DCLK3: variants seen among roughly 807,000 people sequenced by gnomAD.
DCLK3 encodes the protein serine/threonine-protein kinase DCLK3.
Under a neutral mutation model 46.4 loss-of-function variants are expected in DCLK3, and 30 were observed. The observed-to-expected ratio is 0.65, with a 90% CI of 0.48 to 0.88. The LOEUF (loss-of-function observed/expected upper bound fraction) is 0.88, where lower values mean the gene tolerates loss of function less well. Among genes scored for constraint, DCLK3 ranks in the 40% least tolerant of loss-of-function variants. DCLK3 has a pLI of 0.00. For missense variants in DCLK3, 846 were observed against 907.1 expected (o/e 0.93, Z 0.87); for synonymous variants, 401 against 339.2 (o/e 1.18, Z -2.00).
At chr3:36,726,631 C>T (rs1017895468) in intron 2 of DCLK3, among the ~76,000 whole-genome samples, 1 of 152,152 alleles carries the variant, frequency 6.6e-6, no homozygotes, top group Admixed American at 6.5e-5. Context: ...TCCCCACTTG[C>T]TTTGGTTTCT....
rs1340074684 is a variant in DCLK3 at position 36,764,203 on chromosome 3, A to T, written c.61T>A (p.Cys21Ser). The T allele has an allele frequency of 1.8e-5, 6 of 331,106 alleles. No homozygotes were observed. The allele number at this position is 331,106 out of a possible 1,614,324, so 20.5% of individuals were successfully genotyped here. ...PPPPARPAPACPARPAPGQQG... is the reference protein window; with the variant it reads ...PPPPARPAPASPARPAPGQQG... Reference sequence around the variant, plus strand: ...TCACCCGGGGCAGGCCGCGCCGGGCAGGCTGGGGCTGGCCGGGCCGGGGGC... The same window carrying T: ...TCACCCGGGGCAGGCCGCGCCGGGCTGGCTGGGGCTGGCCGGGCCGGGGGC... Residue 21 changes from cysteine to serine, a missense_variant, in exon 1 of 5, where the codon TGC (cysteine) becomes AGC (serine). Around this residue, in one of 3 missense-constraint regions of DCLK3, gnomAD observed 553 missense variants for 543.0 expected, o/e 1.02. Transcript: ENST00000636136. The surrounding 1 kb of genome is among the most constrained non-coding windows in gnomAD (Gnocchi z 4.9).
chr3:36,729,259 G>GC (rs940577677), intron 2 of DCLK3, among the ~76,000 whole-genome samples: 1 of 142,578 alleles, frequency 7.0e-6, no homozygotes, highest in Non-Finnish European at 1.6e-5. Flanking sequence ...GGGGGGGGGG[G>GC]GTACAAAAGC....
At chr3:36,743,847 C>G (rs1455826546) in intron 1 of DCLK3, among the ~76,000 whole-genome samples, 1 of 152,100 alleles carries the variant, frequency 6.6e-6, no homozygotes, top group Non-Finnish European at 1.5e-5. Flanking sequence ...CACTCCACCT[C>G]CACTCCCCCA....
At chr3:36,744,814 A>T (rs1360067627) in intron 1 of DCLK3, among the ~76,000 whole-genome samples, 2 of 152,260 alleles carry the variant, frequency 1.3e-5, no homozygotes, top group African/African-American at 4.8e-5. Context: ...GGACGGGATC[A>T]TAAAAGAAAC....
At chr3:36,736,541 C>T (rs1419914646) in intron 2 of DCLK3, among the ~76,000 whole-genome samples, 1 of 152,198 alleles carries the variant, frequency 6.6e-6, no homozygotes, top group Admixed American at 6.5e-5. Context: ...GTCAGGCCAG[C>T]TCCCAGCTGT....
chr3:36,747,248 T>G (rs1701401308), intron 1 of DCLK3, among the ~76,000 whole-genome samples: 1 of 152,002 alleles, frequency 6.6e-6, no homozygotes, highest in South Asian at 2.1e-4. Context: ...CAAAATAAAT[T>G]GACAAAAGAC....
rs551077216 is a variant in DCLK3 at position 36,737,385 on chromosome 3, C to A, written c.1782G>T (p.Met594Ile). ...VKLHEVYETD[M>I]EIYLILEYVQ... ...CGTACTCCAGGATCAGGTAGATTTC[C>A]ATGTCTGTTTCGTAGACTTCATGCA... Residue 594 changes from methionine to isoleucine, a missense_variant, in exon 2 of 5, where the codon ATG (methionine) becomes ATT (isoleucine). By Grantham distance (10) the Met-to-Ile change is conservative. Coordinates refer to ENST00000636136, the MANE Select transcript of DCLK3 (RefSeq NM_001394672.2). The surrounding 1 kb of genome is among the most constrained non-coding windows in gnomAD (Gnocchi z 4.4). The A allele has an allele frequency of 6.2e-7, 1 of 1,614,200 alleles. No homozygotes were observed. Among genetic ancestry groups the A allele is most frequent in the African/African-American group, 1.3e-5 (1 of 75,060 alleles).
chr3:36,726,928 G>T (rs945451597), intron 2 of DCLK3, among the ~76,000 whole-genome samples: 1 of 152,178 alleles, frequency 6.6e-6, no homozygotes, highest in African/African-American at 2.4e-5. Context: ...ATTAATCGTA[G>T]TTGCTGGGTG....
chr3:36,756,401 G>C (rs2125538558), intron 1 of DCLK3, among the ~76,000 whole-genome samples: 1 of 152,320 alleles, frequency 6.6e-6, no homozygotes, highest in African/African-American at 2.4e-5. Flanking sequence ...TCATCCAACA[G>C]TGTTGCAGTG....
intron 1 of DCLK3, among the ~76,000 whole-genome samples, chr3:36,742,393 T>G (rs966349786): frequency 6.6e-6 from 1 of 152,100 alleles, no homozygotes; most frequent in African/African-American, 2.4e-5. Context: ...GAACATCCCA[T>G]CCCTGAACAA....
intron 2 of DCLK3, among the ~76,000 whole-genome samples, chr3:36,727,946 A>G (rs2125525322): frequency 6.6e-6 from 1 of 152,356 alleles, no homozygotes; most frequent in East Asian, 1.9e-4. Flanking sequence ...TTGTCCTAGA[A>G]TAATTCTTCT....
At chr3:36,750,434 G>C (rs185490819) in intron 1 of DCLK3, among the ~76,000 whole-genome samples, 54 of 152,268 alleles carry the variant, frequency 3.5e-4, no homozygotes, top group African/African-American at 1.3e-3. Flanking sequence ...AAGCTAAATA[G>C]CTCCACTGTG....
chr3:36,739,120 G>A (rs1338919147), intron 1 of DCLK3, 36 bp from the exon 2 acceptor site: 2 of 398,026 alleles, frequency 5.0e-6, no homozygotes, highest in Admixed American at 8.8e-5. Context: ...TATTAGTTAA[G>A]ATGGGTTCAG....
intron 2 of DCLK3, among the ~76,000 whole-genome samples, chr3:36,732,163 G>C (rs1209397211): frequency 6.6e-6 from 1 of 152,170 alleles, no homozygotes. Context: ...CCACCAAGTT[G>C]ATAAATAGGA....
chr3:36,748,610 G>A (rs549179193), intron 1 of DCLK3, among the ~76,000 whole-genome samples: 18 of 152,184 alleles, frequency 1.2e-4, no homozygotes, highest in African/African-American at 4.3e-4. Flanking sequence ...ATCCTGCCCT[G>A]GGGACTCTGA....
At chr3:36,719,540 C>G (rs1023550216) in intron 3 of DCLK3, among the ~76,000 whole-genome samples, 3 of 152,222 alleles carry the variant, frequency 2.0e-5, no homozygotes, top group African/African-American at 7.2e-5. Flanking sequence ...TTCAGATCCT[C>G]TCTGGGCTGC....
At chr3:36,742,388 T>C (rs1030865343) in intron 1 of DCLK3, among the ~76,000 whole-genome samples, 3 of 152,108 alleles carry the variant, frequency 2.0e-5, no homozygotes, top group African/African-American at 4.8e-5. Context: ...TCTGGGAACA[T>C]CCCATCCCTG....
chr3:36,725,530 T>A (rs1701116615), intron 2 of DCLK3, among the ~76,000 whole-genome samples: 1 of 151,950 alleles, frequency 6.6e-6, no homozygotes, highest in African/African-American at 2.4e-5. Context: ...GGTAGGAGGA[T>A]CACTAGAGCC....
At chr3:36,739,411 A>T (rs1259348103) in intron 1 of DCLK3, among the ~76,000 whole-genome samples, 1 of 152,150 alleles carries the variant, frequency 6.6e-6, no homozygotes. Flanking sequence ...GTACTCCCAT[A>T]ATTCCCATGT....
Sources: allele counts gnomAD v4.1 joint callset (sites outside exome capture counted in the v4.1 genomes callset), GRCh38; gene constraint gnomAD v4.1.1; regional missense constraint gnomAD v4.1.1; non-coding constraint Gnocchi (gnomAD v3.1); transcripts MANE v1.5; gene names NCBI Gene and HGNC (gene_info 2026-07-23, HGNC 2026-07-21).